YIF1B: variants seen among roughly 807,000 people sequenced by gnomAD.
The protein encoded by YIF1B is protein YIF1B.
A neutral mutation model predicts 34.6 loss-of-function variants in YIF1B; 24 were observed. The observed-to-expected ratio is 0.69, with a 90% CI of 0.50 to 0.98. The LOEUF is 0.98. YIF1B is among the 50% of genes least tolerant of loss of function. The pLI is 0.00. For synonymous variants in YIF1B, 186 were observed against 184.8 expected (o/e 1.01, Z -0.05); for missense variants, 368 against 429.4 (o/e 0.86, Z 1.26).
chr19:38,312,207 T>A (rs1456581561), intron 1 of YIF1B, among the ~76,000 whole-genome samples: 1 of 150,084 alleles, frequency 6.7e-6, no homozygotes, highest in Non-Finnish European at 1.5e-5. Context: ...GCAGATCACC[T>A]GAACTCAGTT....
At chr19:38,315,468 G>C in intron 1 of YIF1B, 1 of 1,384,940 alleles carries the variant, frequency 7.2e-7, no homozygotes, top group Non-Finnish European at 9.3e-7. Flanking sequence ...CACAATACAG[G>C]TTCGCTTCTT....
chr19:38,321,420 A>G (rs1267049469), upstream of YIF1B, among the ~76,000 whole-genome samples: 1 of 152,152 alleles, frequency 6.6e-6, no homozygotes, highest in African/African-American at 2.4e-5. Flanking sequence ...CAATAGGGAC[A>G]CCACCTGTTC....
rs944084426 is a variant in YIF1B, at chr19:38,309,449, C to T, written c.253G>A (p.Gly85Arg). The T allele has an allele frequency of 8.1e-6, 13 of 1,613,956 alleles. No individual in the cohort carries two copies. The highest frequency in any genetic ancestry group is 1.3e-5 in the African/African-American group (1 of 74,944). ...DPVSNMAMAY[G>R]SSLAAQGKEL... is the part of the protein sequence containing the mutation. ...TTGCCCTGCGCGGCCAGGCTGCTCCCATAGGCCATGGCCATGTTGGACACC... is the reference window on the plus strand; with the variant it reads ...TTGCCCTGCGCGGCCAGGCTGCTCCTATAGGCCATGGCCATGTTGGACACC... Residue 85 changes from glycine (G) to arginine (R), a missense_variant, in exon 2 of 8, where the codon GGG becomes AGG. Gly to Arg is a moderately radical substitution (Grantham distance 125, BLOSUM62 -2). Transcript: ENST00000339413.
chr19:38,314,616 C>CTTTTTTTTTT, intron 1 of YIF1B, among the ~76,000 whole-genome samples: 1 of 82,324 alleles, frequency 1.2e-5, no homozygotes, highest in Non-Finnish European at 2.2e-5. Flanking sequence ...GGATCACCCT[C>CTTTTTTTTTT]TTTTTTTTTT....
Position 38,309,462 on chromosome 19 carries a change from C to T in YIF1B, c.240G>A (p.Met80Ile). Reference sequence around the variant, plus strand: ...CCAGGCTGCTCCCATAGGCCATGGCCATGTTGGACACCGGGTCAGCCAGGA... The same window carrying T: ...CCAGGCTGCTCCCATAGGCCATGGCTATGTTGGACACCGGGTCAGCCAGGA... ...AAFLADPVSNMAMAYGSSLAA... is the reference protein window; with the variant it reads ...AAFLADPVSNIAMAYGSSLAA... Residue 80 changes from methionine to isoleucine, a missense_variant, in exon 2 of 8, where the codon ATG (methionine) becomes ATA (isoleucine). By Grantham distance (10) the Met-to-Ile change is conservative. Transcript: ENST00000339413. The T allele has an allele frequency of 6.2e-7, 1 of 1,614,048 alleles. No homozygotes were observed. Among genetic ancestry groups the T allele is most frequent in the Non-Finnish European group, 8.5e-7 (1 of 1,179,986 alleles).
At chr19:38,316,016 T>G, upstream of YIF1B, 2 of 1,340,160 alleles carry the variant, frequency 1.5e-6, no homozygotes, top group Non-Finnish European at 1.9e-6. Flanking sequence ...ACGTCAGGAT[T>G]GAGGGAAGGC....
intron 1 of YIF1B, among the ~76,000 whole-genome samples, chr19:38,314,340 G>A (rs1004455539): frequency 3.3e-5 from 5 of 151,760 alleles, no homozygotes; most frequent in African/African-American, 7.3e-5. Flanking sequence ...GACTACAGGC[G>A]CACACCACCA....
upstream of YIF1B, chr19:38,320,377 C>G (rs1431632629): frequency 8.3e-7 from 1 of 1,210,960 alleles, no homozygotes; most frequent in African/African-American, 1.6e-5. Context: ...TCCCAATCCC[C>G]TCTGGGCTTC....
At chr19:38,319,914 G>T, upstream of YIF1B, 1 of 1,376,966 alleles carries the variant, frequency 7.3e-7, no homozygotes, top group East Asian at 3.0e-5. Context: ...CCACGTCAGC[G>T]GGGCCACCCA....
In YIF1B at chr19:38,309,584, C is replaced by G. The variant is rs778482639; in HGVS notation, c.118G>C (p.Asp40His). The change falls in exon 2 of 8, where the codon GAT becomes CAT. Residue 40 changes from aspartate to histidine, a missense_variant. Transcript: ENST00000339413. ...PGMADPHQLF[D>H]DTSSAQSRGY... ...CGGCTCTGGGCTGAACTTGTGTCATCGAAAAGCTGGTGGGGGTCGGCCATG... is the reference window on the plus strand; with the variant it reads ...CGGCTCTGGGCTGAACTTGTGTCATGGAAAAGCTGGTGGGGGTCGGCCATG... 6.3e-7 allele frequency: 1 copy of G among 1,598,172 alleles called. No homozygotes were observed. The highest frequency in any genetic ancestry group is 8.5e-7 in the Non-Finnish European group (1 of 1,172,850).
In YIF1B at chr19:38,309,915, C is replaced by G. The variant is rs1005147394; in HGVS notation, c.59-272G>C. 6.1e-6 allele frequency: 7 copies of G among 1,141,438 alleles called. No homozygotes were observed. The East Asian group carries it at 2.1e-4, about 35-fold the overall frequency. The allele number at this position is 1,141,438 out of a possible 1,614,324, so 70.7% of individuals were successfully genotyped here. ...ATCCATCCACCTATCCATCTACCCA[C>G]CCTCCCACTCACCCACCCATCCATC... is the stretch of plus-strand genomic sequence containing the variant. On this transcript the variant is annotated intron_variant, in intron 1 of 7. Transcript: ENST00000339413.
Position 38,307,462 on chromosome 19 carries a change from AG to A in YIF1B, c.754del (p.Leu252TrpfsTer6). The part of the protein sequence containing the change: ...LFGKIGYYLV[L>X]GWCCVAIFVF... ...AAAGATGGCTACGCAGCACCAGCCC[AG>A]CACCAGGTAGTAGCCAATCTTCCCG... On this transcript the variant is annotated frameshift_variant, in exon 7 of 8. Transcript: ENST00000339413. LOFTEE classifies it high-confidence loss of function. The A allele has an allele frequency of 6.2e-7, 1 of 1,613,884 alleles. No homozygotes were observed. The highest frequency in any genetic ancestry group is 8.5e-7 in the Non-Finnish European group (1 of 1,180,004).
intron 1 of YIF1B, among the ~76,000 whole-genome samples, chr19:38,314,445 G>A (rs188242166): frequency 2.6e-5 from 4 of 151,172 alleles, no homozygotes; most frequent in Non-Finnish European, 2.9e-5. Context: ...CTCCCACCTC[G>A]GCCTCCCAAA....
At chr19:38,317,897 A>C (rs1000387631), upstream of YIF1B, among the ~76,000 whole-genome samples, 3 of 151,798 alleles carry the variant, frequency 2.0e-5, no homozygotes, top group Admixed American at 6.6e-5. Context: ...TATATATTTA[A>C]TTAATAAAGC....
intron 5 of YIF1B, 124 bp downstream of exon 5, chr19:38,308,668 G>A: frequency 8.2e-7 from 1 of 1,226,364 alleles, no homozygotes; most frequent in Non-Finnish European, 1.2e-6. Context: ...TGTATCTTGG[G>A]CCAACTGGGA....
chr19:38,315,865 T>G lies in YIF1B; in HGVS notation c.53A>C (p.Lys18Thr), dbSNP rs1062297. Residue 18 changes from lysine to threonine, a missense_variant, in exon 1 of 8, where the codon AAG becomes ACG. Coordinates refer to ENST00000339413, the MANE Select transcript of YIF1B (RefSeq NM_001039672.3). ...AAAAGTPRLR[K>T]WPSKRRIPVS... ...CTCCTCCGCCGGCCACGTACGCCAC[T>G]TACGCAGCCGGGGCGTCCCCGCAGC... 2.0e-6 allele frequency: 3 copies of G among 1,477,372 alleles called. No homozygotes were observed. The highest frequency in any genetic ancestry group is 2.7e-6 in the Non-Finnish European group (3 of 1,120,630). 91.5% of individuals were successfully genotyped at this position (1,477,372 alleles called of 1,614,324 possible).
intron 3 of YIF1B, 51 bp from the exon 4 acceptor site, chr19:38,309,108 C>T: frequency 6.4e-7 from 1 of 1,558,138 alleles, no homozygotes; most frequent in Non-Finnish European, 8.7e-7. Flanking sequence ...CCCCTCCCAC[C>T]CTGCTACAGG....
At chr19:38,315,589 G>C (rs1969513143) in intron 1 of YIF1B, 1 of 1,499,074 alleles carries the variant, frequency 6.7e-7, no homozygotes, top group African/African-American at 1.4e-5. Context: ...TGGGGAGCAG[G>C]GAAGGGCGGA....
At chr19:38,308,362 G>T (rs950021511) in intron 5 of YIF1B, among the ~76,000 whole-genome samples, 1 of 152,066 alleles carries the variant, frequency 6.6e-6, no homozygotes, top group Admixed American at 6.6e-5. Flanking sequence ...AGCGTGCAGC[G>T]GGAGGGGCAG....
Sources: allele counts gnomAD v4.1 joint callset (sites outside exome capture counted in the v4.1 genomes callset), GRCh38; gene constraint gnomAD v4.1.1; transcripts MANE v1.5; gene names NCBI Gene and HGNC (gene_info 2026-07-23, HGNC 2026-07-21).